The following KIT variants were observed in gnomAD, a reference collection of about 807,000 sequenced individuals.
The protein encoded by KIT is mast/stem cell growth factor receptor Kit.
In KIT, 16 loss-of-function variants were observed where a neutral mutation model predicts 105.7. The ratio of observed to expected loss-of-function variants is 0.15; its 90% CI spans 0.10 to 0.23. The LOEUF (loss-of-function observed/expected upper bound fraction) is 0.23. Ranked by LOEUF, KIT falls within the 10% of genes least tolerant of loss-of-function variation. The probability of loss-of-function intolerance (pLI) is 1.00; values close to 1 mark genes in which losing one functional copy is unlikely to be tolerated. For missense variants in KIT, 858 were observed against 1,213.8 expected (o/e 0.71, Z 4.36); for synonymous variants, 438 against 441.1 (o/e 0.99, Z 0.09).
At chr4:54,672,995 G>A (rs1274661490) in intron 1 of KIT, among the ~76,000 whole-genome samples, 1 of 152,126 alleles carries the variant, frequency 6.6e-6, no homozygotes, top group Non-Finnish European at 1.5e-5. Context: ...CCATAAAGTG[G>A]CGTCAAAATC....
rs771012963 is a variant in KIT at position 54,729,452 on chromosome 4, A to G, written c.2108A>G (p.Tyr703Cys). ...KQEDHAEAALYKNLLHSKESS... is the reference protein window; with the variant it reads ...KQEDHAEAALCKNLLHSKESS... ...GAAGATCATGCAGAAGCTGCACTTT[A>G]TAAGAATCTTCTGCATTCAAAGGAG... Residue 703 changes from tyrosine to cysteine, a missense_variant, in exon 14 of 21, where the codon TAT becomes TGT. Around this residue, in one of 7 missense-constraint regions of KIT, gnomAD observed 158 missense variants for 218.7 expected, o/e 0.72. Coordinates refer to ENST00000288135, the MANE Select transcript of KIT (RefSeq NM_000222.3). The G allele has an allele frequency of 1.2e-6, 2 of 1,613,692 alleles. No homozygotes were observed. The highest frequency in any genetic ancestry group is 8.5e-7 in the Non-Finnish European group (1 of 1,179,758).
intron 1 of KIT, among the ~76,000 whole-genome samples, chr4:54,694,475 C>T (rs1021891081): frequency 2.6e-5 from 4 of 152,122 alleles, no homozygotes; most frequent in African/African-American, 9.7e-5. Context: ...CTCAGCCTCC[C>T]GCCTCAGCCT....
At chr4:54,729,982 C>T (rs908215945) in intron 14 of KIT, among the ~76,000 whole-genome samples, 1 of 152,146 alleles carries the variant, frequency 6.6e-6, no homozygotes, top group Non-Finnish European at 1.5e-5. Flanking sequence ...GTATACCTTG[C>T]CTCTTGCCCT....
In KIT at chr4:54,740,369, C is replaced by T. The variant is rs1723176555; in HGVS notation, c.*1812C>T. 4.3e-6 allele frequency: 1 copy of T among 233,366 alleles called. No individual in the cohort carries two copies. The highest frequency in any genetic ancestry group is 2.2e-5 in the African/African-American group (1 of 45,332). 14.5% of individuals were successfully genotyped at this position (233,366 alleles called of 1,614,324 possible). On this transcript the variant is annotated 3_prime_UTR_variant, in exon 21 of 21. Transcript: ENST00000288135. ...AAAAGTGGTTGTTAGTTATAGATGT[C>T]TAGGTACTTCAGGGGCACTTCATTG... is the stretch of plus-strand genomic sequence containing the variant.
rs2109820411 is a variant in KIT, at chr4:54,738,649, C to T, written c.*92C>T. ...TTCTTTTCTTTCAACTTGCATCCAA[C>T]TCCAGGATAGTGGGCACCCCACTGC... On this transcript the variant is annotated 3_prime_UTR_variant, in exon 21 of 21. Coordinates refer to ENST00000288135, the MANE Select transcript of KIT (RefSeq NM_000222.3). The T allele has an allele frequency of 6.6e-7, 1 of 1,516,414 alleles. No homozygotes were observed. Among genetic ancestry groups the T allele is most frequent in the Non-Finnish European group, 9.1e-7 (1 of 1,104,076 alleles). The allele number at this position is 1,516,414 out of a possible 1,614,324, so 93.9% of individuals were successfully genotyped here.
Position 54,707,252 on chromosome 4 carries a change from A to C in KIT, c.1080A>C (p.Glu360Asp), listed in dbSNP as rs753844400. ...YMNRTFTDKW[E>D]DYPKSENESN... ...ACAGAACCTTCACTGATAAATGGGA[A>C]GATTATCCCAAGTCTGAGAATGAAA... is the stretch of plus-strand genomic sequence containing the variant. The change falls in exon 6 of 21, where the codon GAA becomes GAC. Residue 360 changes from glutamate to aspartate, a missense_variant. Glu to Asp is a conservative substitution (Grantham distance 45). This residue lies in a region of KIT where 401 missense variants were observed against 601.0 expected (regional missense o/e 0.67). Transcript: ENST00000288135. 38 of 1,613,038 alleles carry C rather than the reference A, an allele frequency of 2.4e-5. No individual in the cohort carries two copies. In the South Asian group the frequency reaches 4.2e-4, roughly 18 times the overall value.
chr4:54,676,538 A>G (rs1718483926), intron 1 of KIT, among the ~76,000 whole-genome samples: 1 of 152,188 alleles, frequency 6.6e-6, no homozygotes, highest in Admixed American at 6.5e-5. Context: ...AAAACAGACA[A>G]CTGGAGTACC....
intron 7 of KIT, among the ~76,000 whole-genome samples, chr4:54,710,453 G>A (rs180897812): frequency 6.6e-6 from 1 of 152,340 alleles, no homozygotes; most frequent in African/African-American, 2.4e-5. Flanking sequence ...GGCACTTTAT[G>A]TGTGTTGGGT....
intron 1 of KIT, among the ~76,000 whole-genome samples, chr4:54,674,219 A>G (rs994969069): frequency 6.6e-6 from 1 of 152,032 alleles, no homozygotes; most frequent in Non-Finnish European, 1.5e-5. Flanking sequence ...TCTCATCCCC[A>G]GCAGCTTCTC....
chr4:54,728,726 T>G (rs548776166), intron 13 of KIT, among the ~76,000 whole-genome samples: 3 of 152,344 alleles, frequency 2.0e-5, no homozygotes, highest in Admixed American at 6.5e-5. Flanking sequence ...CCATAAATGT[T>G]GCTTCACCAC....
At chr4:54,701,769 T>C (rs1182352529) in intron 4 of KIT, among the ~76,000 whole-genome samples, 1 of 152,208 alleles carries the variant, frequency 6.6e-6, no homozygotes, top group Non-Finnish European at 1.5e-5. Context: ...ATCTGTCCAT[T>C]GTCACTCTGC....
At chr4:54,680,604 G>C (rs1289924286) in intron 1 of KIT, among the ~76,000 whole-genome samples, 1 of 151,886 alleles carries the variant, frequency 6.6e-6, no homozygotes, top group East Asian at 1.9e-4. Context: ...TGTTGGGCAG[G>C]CTGGTCTCGA....
In KIT at chr4:54,740,134, T is replaced by A. The variant is rs1285763768; in HGVS notation, c.*1577T>A. The A allele has an allele frequency of 4.3e-6, 1 of 233,556 alleles. No homozygotes were observed. The highest frequency in any genetic ancestry group is 2.2e-5 in the African/African-American group (1 of 45,362). The allele number at this position is 233,556 out of a possible 1,614,324, so 14.5% of individuals were successfully genotyped here. ...TCTTGAAAGATTCAGGTATGTTGCC[T>A]TTATGGTTTCCCCCTTCTACATTTC... On this transcript the variant is annotated 3_prime_UTR_variant, in exon 21 of 21. Transcript: ENST00000288135.
intron 1 of KIT, among the ~76,000 whole-genome samples, chr4:54,692,902 C>T (rs766864868): frequency 3.3e-5 from 5 of 152,154 alleles, no homozygotes; most frequent in African/African-American, 4.8e-5. Context: ...GTTGATGCCA[C>T]CACAGGCAAT....
At chr4:54,724,096 G>A (rs1377518309) in intron 8 of KIT, among the ~76,000 whole-genome samples, 1 of 152,200 alleles carries the variant, frequency 6.6e-6, no homozygotes, top group Non-Finnish European at 1.5e-5. Context: ...TTACCAAAAA[G>A]TAATGATCGC....
intron 1 of KIT, among the ~76,000 whole-genome samples, chr4:54,674,234 G>C (rs886670318): frequency 6.6e-6 from 1 of 152,082 alleles, no homozygotes; most frequent in Non-Finnish European, 1.5e-5. Flanking sequence ...CTTCTCCCCA[G>C]TGTGGGGCTT....
chr4:54,672,855 T>G (rs1718208625), intron 1 of KIT, among the ~76,000 whole-genome samples: 2 of 152,222 alleles, frequency 1.3e-5, no homozygotes, highest in African/African-American at 2.4e-5. Context: ...GGGAAGTAGT[T>G]CCTGAATTAT....
chr4:54,696,319 A>C (rs1720063334), intron 2 of KIT, among the ~76,000 whole-genome samples: 1 of 152,194 alleles, frequency 6.6e-6, no homozygotes, highest in Non-Finnish European at 1.5e-5. Context: ...AAAGAAAAAT[A>C]AATATGGTAG....
chr4:54,678,847 G>C (rs1718705169), intron 1 of KIT, among the ~76,000 whole-genome samples: 1 of 152,142 alleles, frequency 6.6e-6, no homozygotes, highest in African/African-American at 2.4e-5. Flanking sequence ...GAGAACTCCA[G>C]TACACCAGTT....
Sources: allele counts gnomAD v4.1 joint callset (sites outside exome capture counted in the v4.1 genomes callset), GRCh38; gene constraint gnomAD v4.1.1; regional missense constraint gnomAD v4.1.1; transcripts MANE v1.5; gene names NCBI Gene and HGNC (gene_info 2026-07-23, HGNC 2026-07-21).